Variants in PPID observed in about 807,000 individuals in gnomAD.
PPID encodes the protein peptidyl-prolyl cis-trans isomerase D.
PPID carries 47 observed loss-of-function variants against 48.1 expected under a neutral mutation model. The ratio of observed to expected loss-of-function variants is 0.98; its 90% CI spans 0.77 to 1.25. The LOEUF is 1.25. Among genes scored for constraint, PPID ranks in the 50% most tolerant of loss-of-function variants. The pLI is 0.00. For synonymous variants in PPID, 163 were observed against 148.8 expected (o/e 1.10, Z -0.69); for missense variants, 429 against 443.5 (o/e 0.97, Z 0.29).
Position 158,709,703 on chromosome 4 carries a change from A to T in PPID, c.*33T>A. 1.4e-6 allele frequency: 2 copies of T among 1,463,164 alleles called. No homozygotes were observed. Among genetic ancestry groups the T allele is most frequent in the Non-Finnish European group, 1.9e-6 (2 of 1,051,580 alleles). The allele number at this position is 1,463,164 out of a possible 1,614,324, so 90.6% of individuals were successfully genotyped here. A position where few individuals can be genotyped will look rare whatever the true frequency, so the allele number is the denominator to read the frequency against. ...TTACATTTTCTTATTGCATTTATAC[A>T]ATCAACACACAATAAGCAAAACTGA... On this transcript the variant is annotated 3_prime_UTR_variant, in exon 10 of 10. Coordinates refer to ENST00000307720, the MANE Select transcript of PPID (RefSeq NM_005038.3).
chr4:158,721,419 T>G lies in PPID; in HGVS notation c.150A>C (p.Ala50=). The change falls in exon 2 of 10, where the codon GCA becomes GCC. Residue 50 remains alanine (A), a synonymous_variant. Coordinates refer to ENST00000307720, the MANE Select transcript of PPID (RefSeq NM_005038.3). The part of the protein sequence containing the change: ...IVPKTAENFR[A]LCTGEKGIGH... ...CAATGCCTTTTTCTCCTGTACACAG[T>G]GCACGAAAATTTTCCGCAGTTTTGG... is the stretch of plus-strand genomic sequence containing the variant. 1 of 1,614,098 alleles carries G rather than the reference T, an allele frequency of 6.2e-7. No individual in the cohort carries two copies. The highest frequency in any genetic ancestry group is 8.5e-7 in the Non-Finnish European group (1 of 1,179,960).
chr4:158,715,384 AT>A lies in PPID; in HGVS notation c.664del (p.Ile222Ter). ...TCCAATGTTTTTTAAGTCTTCTGTTATTAATAAAATTTTATCTACCTGTATA... is the reference window on the plus strand; with the variant it reads ...TCCAATGTTTTTTAAGTCTTCTGTTATAATAAAATTTTATCTACCTGTATA... ...DLKDVDKILL[I>X]TEDLKNIGNT... On this transcript the variant is annotated frameshift_variant, in exon 6 of 10. Transcript: ENST00000307720. LOFTEE classifies it high-confidence loss of function. 1 of 1,521,258 alleles carries A rather than the reference AT, an allele frequency of 6.6e-7. No individual in the cohort carries two copies. The highest frequency in any genetic ancestry group is 8.8e-7 in the Non-Finnish European group (1 of 1,134,026). 94.2% of individuals were successfully genotyped at this position (1,521,258 alleles called of 1,614,324 possible).
At chr4:158,718,630 A>G (rs898270179) in intron 3 of PPID, among the ~76,000 whole-genome samples, 1 of 152,156 alleles carries the variant, frequency 6.6e-6, no homozygotes. Context: ...CCTTGCTCAT[A>G]TTCCTTATTT....
At chr4:158,710,483 C>T in intron 9 of PPID, 145 bp downstream of exon 9, 1 of 797,700 alleles carries the variant, frequency 1.3e-6, no homozygotes, top group Non-Finnish European at 2.1e-6. Context: ...TTGTTCATTG[C>T]TATATGATAA....
intron 2 of PPID, among the ~76,000 whole-genome samples, 162 bp downstream of exon 2, chr4:158,721,181 C>T (rs1236555996): frequency 1.3e-5 from 2 of 152,170 alleles, no homozygotes; most frequent in Admixed American, 6.5e-5. Flanking sequence ...GTAATTCCAC[C>T]TCGCACAGCC....
intron 4 of PPID, among the ~76,000 whole-genome samples, 190 bp from the exon 5 acceptor site, chr4:158,715,874 T>C (rs1774863306): frequency 6.6e-6 from 1 of 152,222 alleles, no homozygotes; most frequent in South Asian, 2.1e-4. Flanking sequence ...AAGCATTTTA[T>C]TGCTATTCAG....
chr4:158,709,912 C>A, intron 9 of PPID, 88 bp from the exon 10 acceptor site: 1 of 985,046 alleles, frequency 1.0e-6, no homozygotes, highest in Non-Finnish European at 1.5e-6. Flanking sequence ...TTAACTACCC[C>A]TTGAAAAAAC....
intron 6 of PPID, 131 bp downstream of exon 6, chr4:158,715,166 G>T: frequency 1.4e-6 from 1 of 727,950 alleles, no homozygotes; most frequent in Non-Finnish European, 2.0e-6. Flanking sequence ...GGAAAAAAAA[G>T]GAAATGCAAC....
chr4:158,712,538 C>T (rs1774806779), intron 7 of PPID, among the ~76,000 whole-genome samples: 1 of 152,168 alleles, frequency 6.6e-6, no homozygotes, highest in Non-Finnish European at 1.5e-5. Flanking sequence ...GGGTGGATCA[C>T]CTGAGATCAG....
intron 4 of PPID, 123 bp downstream of exon 4, chr4:158,716,889 A>G: frequency 2.1e-6 from 2 of 948,466 alleles, no homozygotes; most frequent in Non-Finnish European, 1.6e-6. Flanking sequence ...TGAACCTGGG[A>G]GACAGAGGCT....
At chr4:158,722,025 G>A (rs1774971180) in intron 1 of PPID, among the ~76,000 whole-genome samples, 1 of 152,190 alleles carries the variant, frequency 6.6e-6, no homozygotes, top group Non-Finnish European at 1.5e-5. Flanking sequence ...GAACATGGGA[G>A]TGCAGATACC....
At chr4:158,713,651 G>A (rs1462505821) in intron 6 of PPID, among the ~76,000 whole-genome samples, 1 of 152,138 alleles carries the variant, frequency 6.6e-6, no homozygotes, top group African/African-American at 2.4e-5. Flanking sequence ...TCCCTGAAAA[G>A]GGCCCCAAAA....
At chr4:158,712,472 A>C (rs140040071) in intron 7 of PPID, among the ~76,000 whole-genome samples, 8 of 152,082 alleles carry the variant, frequency 5.3e-5, no homozygotes, top group African/African-American at 1.9e-4. Context: ...ATAACTCTCT[A>C]TAACTACTTC....
rs1200060572 is a variant in PPID at position 158,721,491 on chromosome 4, A to G, written c.86-8T>C. 1.9e-6 allele frequency: 3 copies of G among 1,611,744 alleles called. No homozygotes were observed. The African/African-American group carries it at 4.0e-5, about 22-fold the overall frequency. On this transcript the variant is annotated splice_polypyrimidine_tract_variant and splice_region_variant and intron_variant, in intron 1 of 9. Coordinates refer to ENST00000307720, the MANE Select transcript of PPID (RefSeq NM_005038.3). ...CTAAGACAATTCGACCAACTAAAAG[A>G]AAAGAAAATCTTGTCAGTATGCAAA...
rs1421409992 is a variant in PPID at position 158,721,354 on chromosome 4, G to C, written c.215C>G (p.Pro72Arg). ...TGKPLHFKGC[P>R]FHRIIKKFMI... ...AAATTTACACATACTTCGATGAAAA[G>C]GGCATCCTTTGAAATGGAGAGGTTT... is the stretch of plus-strand genomic sequence containing the variant. Residue 72 changes from proline (P) to arginine (R), a missense_variant, in exon 2 of 10, where the codon CCT (proline) becomes CGT (arginine). By Grantham distance (103) the Pro-to-Arg change is moderately radical. Coordinates refer to ENST00000307720, the MANE Select transcript of PPID (RefSeq NM_005038.3). The C allele has an allele frequency of 1.2e-6, 2 of 1,614,038 alleles. No individual in the cohort carries two copies. The highest frequency in any genetic ancestry group is 1.3e-5 in the African/African-American group (1 of 75,018).
chr4:158,723,028 T>C (rs1229214308), intron 1 of PPID, among the ~76,000 whole-genome samples, 176 bp downstream of exon 1: 1 of 152,202 alleles, frequency 6.6e-6, no homozygotes, highest in Non-Finnish European at 1.5e-5. Context: ...ACAAGGGCGC[T>C]GGATCGATCT....
chr4:158,710,608 T>TC lies in PPID; in HGVS notation c.1024+19_1024+20insG, dbSNP rs754486778. 6.2e-7 allele frequency: 1 copy of TC among 1,610,276 alleles called. No homozygotes were observed. Among genetic ancestry groups the TC allele is most frequent in the South Asian group, 1.1e-5 (1 of 90,884 alleles). On this transcript the variant is annotated intron_variant, in intron 9 of 9. Coordinates refer to ENST00000307720, the MANE Select transcript of PPID (RefSeq NM_005038.3). ...TTTAAATAACAAAATTAACTTTCACTACAAAAGCTGCCAACTTACCTTTAT... is the reference window on the plus strand; with the variant it reads ...TTTAAATAACAAAATTAACTTTCACTCACAAAAGCTGCCAACTTACCTTTAT...
chr4:158,711,910 T>A (rs1384878743), intron 7 of PPID, among the ~76,000 whole-genome samples: 1 of 152,130 alleles, frequency 6.6e-6, no homozygotes, highest in Non-Finnish European at 1.5e-5. Flanking sequence ...GAGGCTGCAG[T>A]GAGCTTTGAT....
chr4:158,716,896 G>C, intron 4 of PPID, 116 bp downstream of exon 4: 1 of 1,014,796 alleles, frequency 9.9e-7, no homozygotes. Context: ...GGGAGACAGA[G>C]GCTGCAGTGA....
Sources: allele counts gnomAD v4.1 joint callset (sites outside exome capture counted in the v4.1 genomes callset), GRCh38; gene constraint gnomAD v4.1.1; transcripts MANE v1.5; gene names NCBI Gene and HGNC (gene_info 2026-07-23, HGNC 2026-07-21).